The following TNS3 variants were observed in gnomAD, a reference collection of about 807,000 sequenced individuals.
The protein encoded by TNS3 is tensin 3.
Under a neutral mutation model 140.9 loss-of-function variants are expected in TNS3, and 45 were observed. That is an observed-to-expected ratio of 0.32 (90% confidence interval 0.25 to 0.41). TNS3 has a LOEUF of 0.41. Ranked by LOEUF, TNS3 falls within the 10% of genes least tolerant of loss-of-function variation. The pLI is 1.00. For synonymous variants in TNS3, 815 were observed against 788.4 expected (o/e 1.03, Z -0.56); for missense variants, 1,716 against 1,906.7 (o/e 0.90, Z 1.86).
chr7:47,287,379 G>A (rs764631254), intron 27 of TNS3, among the ~76,000 whole-genome samples: 1 of 152,186 alleles, frequency 6.6e-6, no homozygotes, highest in Non-Finnish European at 1.5e-5. Flanking sequence ...TGAGTTGTCT[G>A]CTAATATTTC....
intron 10 of TNS3, among the ~76,000 whole-genome samples, chr7:47,421,129 A>G (rs1188887491): frequency 6.6e-6 from 1 of 152,200 alleles, no homozygotes; most frequent in Non-Finnish European, 1.5e-5. Context: ...TAACTCCGTG[A>G]TGGGGCCAAG....
intron 4 of TNS3, among the ~76,000 whole-genome samples, chr7:47,443,753 C>G (rs1333480812): frequency 6.6e-6 from 1 of 152,094 alleles, no homozygotes; most frequent in Non-Finnish European, 1.5e-5. Flanking sequence ...GAAACCACGT[C>G]TCTACTAAAA....
At chr7:47,367,678 A>G (rs1203988608) in intron 17 of TNS3, among the ~76,000 whole-genome samples, 1 of 151,942 alleles carries the variant, frequency 6.6e-6, no homozygotes, top group Non-Finnish European at 1.5e-5. Context: ...GTCCCACCAC[A>G]GCTCTCAGTC....
chr7:47,282,580 TGCCACACAGG>T (rs1390652898), intron 28 of TNS3, among the ~76,000 whole-genome samples: 1 of 152,154 alleles, frequency 6.6e-6, no homozygotes, highest in East Asian at 1.9e-4. Context: ...TCCCTGCGTG[TGCCACACAGG>T]GCACTTGCTG....
chr7:47,439,340 G>T, intron 6 of TNS3, 147 bp downstream of exon 6: 1 of 850,604 alleles, frequency 1.2e-6, no homozygotes, highest in Non-Finnish European at 1.8e-6. Flanking sequence ...CAGAGAGACA[G>T]AGGACGAAGG....
At chr7:47,498,771 C>A (rs899242995) in intron 3 of TNS3, among the ~76,000 whole-genome samples, 1 of 152,192 alleles carries the variant, frequency 6.6e-6, no homozygotes, top group Non-Finnish European at 1.5e-5. Flanking sequence ...TCAGCCCGGC[C>A]AAAGGTCACC....
intron 4 of TNS3, among the ~76,000 whole-genome samples, chr7:47,464,463 C>A (rs1453315812): frequency 2.0e-5 from 3 of 152,066 alleles, no homozygotes; most frequent in Non-Finnish European, 4.4e-5. Context: ...CCCTCAACAC[C>A]CCTAGGATTG....
intron 3 of TNS3, chr7:47,481,531 G>A (rs1308347012): frequency 4.7e-6 from 2 of 421,082 alleles, no homozygotes; most frequent in Non-Finnish European, 6.4e-6. Flanking sequence ...CTGCCTGGTG[G>A]TCTTCAAGAC....
At chr7:47,521,516 G>A (rs1798978945) in intron 2 of TNS3, among the ~76,000 whole-genome samples, 1 of 152,160 alleles carries the variant, frequency 6.6e-6, no homozygotes, top group South Asian at 2.1e-4. Flanking sequence ...CTCCAGCTGA[G>A]GGCAGAGAAT....
intron 4 of TNS3, among the ~76,000 whole-genome samples, chr7:47,474,458 AAC>A (rs771978497): frequency 1.7e-4 from 26 of 151,252 alleles, no homozygotes; most frequent in Admixed American, 7.9e-4. Context: ...CACACACTGC[AAC>A]ACACACACAA....
At chr7:47,314,133 C>CT (rs1416009107) in intron 20 of TNS3, among the ~76,000 whole-genome samples, 1 of 152,236 alleles carries the variant, frequency 6.6e-6, no homozygotes, top group African/African-American at 2.4e-5. Context: ...AATTAATCCA[C>CT]TTATTAGATG....
intron 2 of TNS3, among the ~76,000 whole-genome samples, chr7:47,516,746 C>G (rs1226739846): frequency 1.3e-5 from 2 of 152,190 alleles, no homozygotes; most frequent in Non-Finnish European, 2.9e-5. Context: ...TGTGAAGATA[C>G]ACAAACACAC....
intron 17 of TNS3, among the ~76,000 whole-genome samples, chr7:47,357,660 C>T (rs367766499): frequency 6.6e-6 from 1 of 152,116 alleles, no homozygotes; most frequent in Non-Finnish European, 1.5e-5. Flanking sequence ...GAAGAGCCTT[C>T]CCCTCCCAGG....
intron 20 of TNS3, among the ~76,000 whole-genome samples, chr7:47,339,077 G>C (rs570090155): frequency 6.6e-6 from 1 of 152,150 alleles, no homozygotes; most frequent in East Asian, 1.9e-4. Flanking sequence ...GCTGAGTATT[G>C]AGAGATTATA....
chr7:47,430,764 A>G (rs546973740), intron 8 of TNS3, among the ~76,000 whole-genome samples: 1 of 151,238 alleles, frequency 6.6e-6, no homozygotes, highest in South Asian at 2.1e-4. Flanking sequence ...TCTGTCATCC[A>G]GGTTAGAGTG....
intron 3 of TNS3, among the ~76,000 whole-genome samples, chr7:47,483,981 A>G (rs966993536): frequency 1.3e-5 from 2 of 152,218 alleles, no homozygotes; most frequent in African/African-American, 4.8e-5. Context: ...ACTGCATAAA[A>G]TGAATCGTTT....
At chr7:47,570,711 C>T (rs1304129334) in intron 1 of TNS3, among the ~76,000 whole-genome samples, 2 of 152,344 alleles carry the variant, frequency 1.3e-5, no homozygotes, top group East Asian at 3.9e-4. Flanking sequence ...GATTGGGAGG[C>T]CAGCCCCTGG....
At chr7:47,406,558 AAGG>A (rs1444215077) in intron 13 of TNS3, among the ~76,000 whole-genome samples, 5 of 152,234 alleles carry the variant, frequency 3.3e-5, no homozygotes, top group African/African-American at 4.8e-5. Flanking sequence ...AGGCCTTTTG[AAGG>A]AGGAGGATTA....
chr7:47,371,901 C>T (rs1791093549), intron 16 of TNS3, among the ~76,000 whole-genome samples: 1 of 152,214 alleles, frequency 6.6e-6, no homozygotes, highest in Admixed American at 6.5e-5. Context: ...CCTTCAGCTT[C>T]CCCGCTATAA....
Sources: allele counts gnomAD v4.1 joint callset (sites outside exome capture counted in the v4.1 genomes callset), GRCh38; gene constraint gnomAD v4.1.1; transcripts MANE v1.5; gene names NCBI Gene and HGNC (gene_info 2026-07-23, HGNC 2026-07-21).